The following UBE2V1 variants were observed in gnomAD, a reference collection of about 807,000 sequenced individuals.
UBE2V1 encodes the protein ubiquitin-conjugating enzyme E2 variant 1.
A neutral mutation model predicts 19.6 loss-of-function variants in UBE2V1; 15 were observed. The ratio of observed to expected loss-of-function variants is 0.77; its 90% CI spans 0.51 to 1.18. The LOEUF is 1.18. Ranked by LOEUF, UBE2V1 falls within the 50% of genes most tolerant of loss-of-function variation. UBE2V1 has a pLI of 0.00. For synonymous variants in UBE2V1, 60 were observed against 60.7 expected, an observed-to-expected ratio of 0.99 and a Z score of 0.05; for missense variants, 125 against 184.8, an observed-to-expected ratio of 0.68 and a Z score of 1.88.
intron 3 of UBE2V1, chr20:50,083,652 A>G (rs78450391): frequency 0.11 from 16,693 of 153,396 alleles, 906 homozygotes; most frequent in Middle Eastern, 0.18. Context: ...ATTTATTAAC[A>G]TTGCTCTGTT....
intron 1 of UBE2V1, among the ~76,000 whole-genome samples, chr20:50,107,267 T>A (rs1490832168): frequency 6.6e-6 from 1 of 152,152 alleles, no homozygotes; most frequent in Non-Finnish European, 1.5e-5. Context: ...AATCTGAAAC[T>A]CCAAGGTTGG....
intron 1 of UBE2V1, among the ~76,000 whole-genome samples, chr20:50,112,607 TC>T (rs2080832901): frequency 4.6e-5 from 7 of 152,118 alleles, no homozygotes; most frequent in Non-Finnish European, 7.4e-5. Flanking sequence ...TAGGGGATCC[TC>T]TCAAGTCACC....
chr20:50,101,184 T>C (rs2079962433), intron 1 of UBE2V1, among the ~76,000 whole-genome samples: 2 of 152,198 alleles, frequency 1.3e-5, no homozygotes, highest in Admixed American at 1.3e-4. Flanking sequence ...ACAATTTGAT[T>C]CTGACTCAAG....
At chr20:50,096,625 C>G in intron 2 of UBE2V1, 47 bp downstream of exon 2, 2 of 1,609,902 alleles carry the variant, frequency 1.2e-6, no homozygotes, top group South Asian at 2.2e-5. Flanking sequence ...AAAGGAGGCA[C>G]AGTGAATTTA....
In UBE2V1 at chr20:50,091,941, T is replaced by G. The variant is rs118172603; in HGVS notation, c.171+4731A>C. Among the ~76,000 whole-genome samples, 114 of 152,314 alleles carry G rather than the reference T, an allele frequency of 7.5e-4. 1 individual carries two copies. Among genetic ancestry groups the G allele is most frequent in the Admixed American group, 4.8e-3 (73 of 15,302 alleles). On this transcript the variant is annotated intron_variant, in intron 2 of 3. Coordinates refer to ENST00000371674, the MANE Select transcript of UBE2V1 (RefSeq NM_001032288.3). The stretch of plus-strand genomic sequence containing the variant: ...AAAGGATCACTTTTCTTTTACTTCC[T>G]ACACCCCTGTAATTATGTTCAGTTC...
intron 2 of UBE2V1, among the ~76,000 whole-genome samples, chr20:50,088,315 C>T (rs575457022): frequency 1.3e-5 from 2 of 152,086 alleles, no homozygotes; most frequent in South Asian, 4.1e-4. Context: ...CTAAGAACAC[C>T]TGAATAAAGT....
intron 1 of UBE2V1, 53 bp downstream of exon 1, chr20:50,113,054 C>CTGATGCG: frequency 1.2e-6 from 1 of 828,292 alleles, no homozygotes; most frequent in Non-Finnish European, 1.7e-6. Flanking sequence ...GTCCCCGGCC[C>CTGATGCG]CCGGCCCAAG....
At chr20:50,085,860 C>T (rs908585636) in intron 2 of UBE2V1, among the ~76,000 whole-genome samples, 2 of 152,118 alleles carry the variant, frequency 1.3e-5, no homozygotes, top group African/African-American at 4.8e-5. Flanking sequence ...TAGCAGGCAA[C>T]CCAATTCCCC....
chr20:50,115,539 G>T, upstream of UBE2V1: 1 of 1,595,378 alleles, frequency 6.3e-7, no homozygotes. Flanking sequence ...AGTTTGCTTT[G>T]TGACTTCAGG....
At chr20:50,099,639 G>A (rs1339019826) in intron 1 of UBE2V1, among the ~76,000 whole-genome samples, 1 of 152,180 alleles carries the variant, frequency 6.6e-6, no homozygotes, top group Admixed American at 6.5e-5. Flanking sequence ...CTGTCCAGAA[G>A]GCTCCTTCCC....
intron 2 of UBE2V1, chr20:50,084,786 A>G: frequency 3.1e-6 from 1 of 322,036 alleles, no homozygotes; most frequent in Non-Finnish European, 6.1e-6. Context: ...AGGGATTTCA[A>G]CTGGGGTGTT....
upstream of UBE2V1, chr20:50,115,728 A>C: frequency 3.3e-6 from 3 of 908,488 alleles, no homozygotes; most frequent in Non-Finnish European, 4.4e-6. Context: ...TTTAATCCTC[A>C]CAACTCGATG....
intron 2 of UBE2V1, among the ~76,000 whole-genome samples, chr20:50,091,619 C>G (rs1265198667): frequency 1.3e-5 from 2 of 152,012 alleles, no homozygotes; most frequent in Non-Finnish European, 1.5e-5. Context: ...TCTTGAACTC[C>G]TGACCTCAGG....
chr20:50,089,666 C>T lies in UBE2V1; in HGVS notation c.172-5412G>A, dbSNP rs1271239231. On this transcript the variant is annotated intron_variant, in intron 2 of 3. Transcript: ENST00000371674. ...TGCACAGCGACGAGACACAATTATCCTTTGTACAGAGACTCTCCCTCTTCC... is the reference window on the plus strand; with the variant it reads ...TGCACAGCGACGAGACACAATTATCTTTTGTACAGAGACTCTCCCTCTTCC... Among the ~76,000 whole-genome samples, 5 of 152,138 alleles carry T rather than the reference C, an allele frequency of 3.3e-5. No individual in the cohort carries two copies. In the East Asian group the frequency reaches 9.6e-4, roughly 29 times the overall value.
upstream of UBE2V1, chr20:50,115,465 G>A: frequency 6.5e-7 from 1 of 1,539,198 alleles, no homozygotes; most frequent in Non-Finnish European, 8.8e-7. Context: ...GAAGCATTTG[G>A]GTTCCTAAGG....
Position 50,081,998 on chromosome 20 carries a change from C to T in UBE2V1, c.*770G>A, listed in dbSNP as rs1408137007. 1.4e-5 allele frequency: 3 copies of T among 209,938 alleles called. No homozygotes were observed. The highest frequency in any genetic ancestry group is 2.8e-5 in the Non-Finnish European group (3 of 105,706). The allele number at this position is 209,938 out of a possible 1,614,324, so 13.0% of individuals were successfully genotyped here. ...CTTACCTGATGGCTTCTGGCCAAAG[C>T]AAGGAAGTGTCATGGAAGGTGTTGG... On this transcript the variant is annotated 3_prime_UTR_variant, in exon 4 of 4. Transcript: ENST00000371674.
intron 2 of UBE2V1, among the ~76,000 whole-genome samples, chr20:50,087,669 T>C (rs191581669): frequency 7.9e-4 from 121 of 152,288 alleles, no homozygotes; most frequent in African/African-American, 2.8e-3. Context: ...ACATGTGAAA[T>C]GGGCATGCTC....
upstream of UBE2V1, among the ~76,000 whole-genome samples, chr20:50,115,272 G>A (rs1221453276): frequency 6.6e-6 from 1 of 152,132 alleles, no homozygotes; most frequent in African/African-American, 2.4e-5. Flanking sequence ...TCCCCTCAGG[G>A]AAGCCTTCCT....
At chr20:50,093,414 A>G (rs1341728431) in intron 2 of UBE2V1, among the ~76,000 whole-genome samples, 1 of 152,014 alleles carries the variant, frequency 6.6e-6, no homozygotes, top group Non-Finnish European at 1.5e-5. Context: ...CTCATGTGCT[A>G]ATCATGAAAG....
Sources: allele counts gnomAD v4.1 joint callset (sites outside exome capture counted in the v4.1 genomes callset), GRCh38; gene constraint gnomAD v4.1.1; transcripts MANE v1.5; gene names NCBI Gene and HGNC (gene_info 2026-07-23, HGNC 2026-07-21).